The following DIDO1 variants were observed in gnomAD, a reference collection of about 807,000 sequenced individuals.
DIDO1 encodes death-inducer obliterator 1.
DIDO1 carries 16 observed loss-of-function variants against 99.4 expected under a neutral mutation model. The ratio of observed to expected loss-of-function variants is 0.16; its 90% CI spans 0.11 to 0.24. The LOEUF (loss-of-function observed/expected upper bound fraction) is 0.24. Ranked by LOEUF, DIDO1 falls within the 10% of genes least tolerant of loss-of-function variation. The probability of loss-of-function intolerance (pLI) is 1.00; values close to 1 mark genes in which losing one functional copy is unlikely to be tolerated. For missense variants in DIDO1, 2,996 were observed against 3,014.0 expected (o/e 0.99, Z 0.14); for synonymous variants, 1,366 against 1,239.1 (o/e 1.10, Z -2.15).
In DIDO1 at chr20:62,878,068, G is replaced by A. The variant is rs937663835; in HGVS notation, c.*1165C>T. 1.8e-4 allele frequency: 28 copies of A among 152,246 alleles called. No individual in the cohort carries two copies. The highest frequency in any genetic ancestry group is 6.7e-4 in the African/African-American group (28 of 41,538). The allele number at this position is 152,246 out of a possible 1,614,324, so 9.4% of individuals were successfully genotyped here. On this transcript the variant is annotated 3_prime_UTR_variant, in exon 16 of 16. Coordinates refer to ENST00000395343, the MANE Select transcript of DIDO1 (RefSeq NM_001193369.2). ...AATGTTTTCTTAACTTAAAAAATCTGTGCTATAAAGTGAAAAATCTGTAGT... is the reference window on the plus strand; with the variant it reads ...AATGTTTTCTTAACTTAAAAAATCTATGCTATAAAGTGAAAAATCTGTAGT...
intron 4 of DIDO1, among the ~76,000 whole-genome samples, chr20:62,907,747 T>C (rs574390928): frequency 2.0e-5 from 3 of 152,194 alleles, no homozygotes; most frequent in African/African-American, 7.2e-5. Flanking sequence ...GCAAGTCAAA[T>C]GGGTCCGGCT....
At chr20:62,899,168 G>A (rs1600957029) in intron 6 of DIDO1, among the ~76,000 whole-genome samples, 1 of 152,190 alleles carries the variant, frequency 6.6e-6, no homozygotes, top group Non-Finnish European at 1.5e-5. Context: ...CACCTGCCGG[G>A]AAGCCAACCG....
chr20:62,915,840 C>T (rs1047242696), intron 1 of DIDO1, among the ~76,000 whole-genome samples: 16 of 151,982 alleles, frequency 1.1e-4, no homozygotes, highest in African/African-American at 3.4e-4. Flanking sequence ...TTCTCGGGAA[C>T]GAAAACTGAT....
At chr20:62,935,425 G>A (rs1202497824) in intron 1 of DIDO1, among the ~76,000 whole-genome samples, 1 of 152,152 alleles carries the variant, frequency 6.6e-6, no homozygotes, top group Non-Finnish European at 1.5e-5. Flanking sequence ...CCATCAGACA[G>A]CAACCACACG....
chr20:62,884,559 G>A (rs1194595487), intron 15 of DIDO1, among the ~76,000 whole-genome samples: 3 of 152,154 alleles, frequency 2.0e-5, no homozygotes, highest in East Asian at 1.9e-4. Flanking sequence ...AGATCATCAC[G>A]GACTGCTTCA....
intron 6 of DIDO1, among the ~76,000 whole-genome samples, chr20:62,902,565 TG>T (rs1301342471): frequency 2.0e-5 from 3 of 152,142 alleles, no homozygotes; most frequent in African/African-American, 7.2e-5. Context: ...AATCCCCCCA[TG>T]TATTTTTTAT....
Position 62,894,365 on chromosome 20 carries a change from T to A in DIDO1, c.2572+48A>T. ...GGAGGTTCAGTGATTTTTAACAAAATCAAGTTTAGTCTCAGCTCCAAGGCT... is the reference window on the plus strand; with the variant it reads ...GGAGGTTCAGTGATTTTTAACAAAAACAAGTTTAGTCTCAGCTCCAAGGCT... On this transcript the variant is annotated intron_variant, in intron 11 of 15. Coordinates refer to ENST00000395343, the MANE Select transcript of DIDO1 (RefSeq NM_001193369.2). The surrounding 1 kb of genome is among the most constrained non-coding windows in gnomAD (Gnocchi z 4.4). 1.3e-6 allele frequency: 2 copies of A among 1,594,478 alleles called. No homozygotes were observed. Among genetic ancestry groups the A allele is most frequent in the South Asian group, 2.2e-5 (2 of 90,624 alleles).
intron 1 of DIDO1, among the ~76,000 whole-genome samples, chr20:62,916,555 T>C (rs908078350): frequency 2.0e-5 from 3 of 152,236 alleles, no homozygotes; most frequent in Non-Finnish European, 4.4e-5. Flanking sequence ...AATACATTAA[T>C]AGTATCTTTA....
rs1047265085 is a variant in DIDO1, at chr20:62,892,738, ATG to A, written c.3255+69_3255+70del. The A allele has an allele frequency of 4.6e-6, 7 of 1,524,984 alleles. No individual in the cohort carries two copies. In the Middle Eastern group the frequency reaches 5.2e-4, roughly 114 times the overall value. 94.5% of individuals were successfully genotyped at this position (1,524,984 alleles called of 1,614,324 possible). On this transcript the variant is annotated intron_variant, in intron 13 of 15. Transcript: ENST00000395343. ...ACCTCATGAATTAAGGGAGAAAGTC[ATG>A]TGTTTGACTCTAGTTTAGAAACTCC...
intron 1 of DIDO1, among the ~76,000 whole-genome samples, chr20:62,918,412 G>T (rs1374993768): frequency 6.6e-6 from 1 of 152,200 alleles, no homozygotes. Context: ...GGACACCACT[G>T]GCGTGAGCCA....
At chr20:62,930,218 C>CAA (rs11477620), upstream of DIDO1, among the ~76,000 whole-genome samples, 11 of 140,552 alleles carry the variant, frequency 7.8e-5, no homozygotes, top group South Asian at 2.2e-4. Context: ...AACAAACAAA[C>CAA]AAAAAAAAAA....
At chr20:62,915,956 A>G (rs910708139) in intron 1 of DIDO1, among the ~76,000 whole-genome samples, 1 of 152,244 alleles carries the variant, frequency 6.6e-6, no homozygotes, top group Non-Finnish European at 1.5e-5. Flanking sequence ...AATTCAATGA[A>G]GGATATACCT....
chr20:62,895,697 C>A (rs182556821), intron 8 of DIDO1, among the ~76,000 whole-genome samples: 22 of 152,324 alleles, frequency 1.4e-4, no homozygotes, highest in African/African-American at 5.1e-4. Flanking sequence ...CTATCCCTCC[C>A]AGCTGGAGTT....
intron 15 of DIDO1, chr20:62,887,897 G>C (rs1330953237): frequency 2.0e-6 from 2 of 985,246 alleles, no homozygotes; most frequent in African/African-American, 1.7e-5. Context: ...CTGAGTTACA[G>C]AGAGTGCCCC....
chr20:62,879,688 G>A lies in DIDO1; in HGVS notation c.6268C>T (p.Arg2090Trp), dbSNP rs2064163173. Residue 2090 changes from arginine (R) to tryptophan (W), a missense_variant, in exon 16 of 16, where the codon CGG becomes TGG. By Grantham distance (101) the Arg-to-Trp change is moderately radical. Coordinates refer to ENST00000395343, the MANE Select transcript of DIDO1 (RefSeq NM_001193369.2). The surrounding 1 kb of genome is among the most constrained non-coding windows in gnomAD (Gnocchi z 6.3). ...TTCTCTTTGGGCCCCACGTCAAACCGCTCTCTCTGCCTCCCTTCGAAAGTC... is the reference window on the plus strand; with the variant it reads ...TTCTCTTTGGGCCCCACGTCAAACCACTCTCTCTGCCTCCCTTCGAAAGTC... ...NQTFEGRQRE[R>W]FDVGPKEKPL... is the part of the protein sequence containing the mutation. 1 of 1,610,394 alleles carries A rather than the reference G, an allele frequency of 6.2e-7. No homozygotes were observed.
intron 3 of DIDO1, 143 bp downstream of exon 3, chr20:62,910,631 T>C (rs2064911212): frequency 2.1e-5 from 21 of 1,020,834 alleles, no homozygotes; most frequent in African/African-American, 3.2e-5. Context: ...TAGCCACTCT[T>C]ATGTGTTTCT....
In DIDO1 at chr20:62,880,596, G is replaced by A; in HGVS notation, c.5360C>T (p.Ala1787Val). Residue 1787 changes from alanine to valine, a missense_variant, in exon 16 of 16, where the codon GCT becomes GTT. By Grantham distance (64) the Ala-to-Val change is moderately conservative. Transcript: ENST00000395343. ...AGGCCCTCGTGGCCCATCGTTAGAA[G>A]CGATATTCTCTTCTGGAAACGGAGG... Reference protein sequence around the residue: ...PAPPFPEENIASNDGPRGPPP... With the variant: ...PAPPFPEENIVSNDGPRGPPP... 2 of 1,612,910 alleles carry A rather than the reference G, an allele frequency of 1.2e-6. No individual in the cohort carries two copies. The highest frequency in any genetic ancestry group is 1.3e-5 in the African/African-American group (1 of 75,074).
In DIDO1 at chr20:62,881,832, G is replaced by T; in HGVS notation, c.4124C>A (p.Ala1375Asp). ...QQFGQFSKDKALEEEEDDRPY... is the reference protein window; with the variant it reads ...QQFGQFSKDKDLEEEEDDRPY... Reference sequence around the variant, plus strand: ...CCTGTCGTCCTCCTCTTCCTCTAGAGCCTTATCTTTTGAGAACTGACCGAA... The same window carrying T: ...CCTGTCGTCCTCCTCTTCCTCTAGATCCTTATCTTTTGAGAACTGACCGAA... Residue 1375 changes from alanine (A) to aspartate (D), a missense_variant, in exon 16 of 16, where the codon GCT becomes GAT. Physicochemically the swap from Ala to Asp is moderately radical, Grantham distance 126 (BLOSUM62 -2). Around this residue, in one of 5 missense-constraint regions of DIDO1, gnomAD observed 1,562 missense variants for 1,412.6 expected, o/e 1.11. Coordinates refer to ENST00000395343, the MANE Select transcript of DIDO1 (RefSeq NM_001193369.2). This position sits in a 1 kb window ranked among gnomAD's most constrained non-coding sequence, Gnocchi z 8.3. 5 of 1,613,518 alleles carry T rather than the reference G, an allele frequency of 3.1e-6. No homozygotes were observed. The highest frequency in any genetic ancestry group is 4.2e-6 in the Non-Finnish European group (5 of 1,180,006).
At chr20:62,922,100 C>CTATA (rs1555851690) in intron 1 of DIDO1, among the ~76,000 whole-genome samples, 1 of 69,588 alleles carries the variant, frequency 1.4e-5, no homozygotes, top group East Asian at 6.3e-4. Context: ...TATATACACA[C>CTATA]TATATATATA....
Sources: allele counts gnomAD v4.1 joint callset (sites outside exome capture counted in the v4.1 genomes callset), GRCh38; gene constraint gnomAD v4.1.1; regional missense constraint gnomAD v4.1.1; non-coding constraint Gnocchi (gnomAD v3.1); transcripts MANE v1.5; gene names NCBI Gene and HGNC (gene_info 2026-07-23, HGNC 2026-07-21).